DCAF7: variants seen among roughly 807,000 people sequenced by gnomAD.
The protein encoded by DCAF7 is DDB1 and CUL4 associated factor 7.
A neutral mutation model predicts 41.2 loss-of-function variants in DCAF7; 4 were observed. The observed-to-expected ratio is 0.10, with a 90% confidence interval of 0.05 to 0.22. The LOEUF (loss-of-function observed/expected upper bound fraction) is 0.22. Among genes scored for constraint, DCAF7 ranks in the 10% least tolerant of loss-of-function variants. The pLI is 1.00. For synonymous variants in DCAF7, 143 were observed against 164.2 expected (o/e 0.87, Z 0.99); for missense variants, 131 against 443.2 (o/e 0.30, Z 6.32).
intron 6 of DCAF7, among the ~76,000 whole-genome samples, chr17:63,587,601 G>A (rs1436509994): frequency 6.6e-6 from 1 of 152,160 alleles, no homozygotes; most frequent in East Asian, 1.9e-4. Flanking sequence ...TCTTGGCATT[G>A]ATTGTCCCTG....
In DCAF7 at chr17:63,589,645, A is replaced by T. The variant is rs1482146448; in HGVS notation, c.*473A>T. On this transcript the variant is annotated 3_prime_UTR_variant, in exon 7 of 7. Coordinates refer to ENST00000614556, the MANE Select transcript of DCAF7 (RefSeq NM_005828.5). ...GTATCAGTGTGTTTAACAAATTTTA[A>T]CTTTGTATATTTGTTATCTATCAGG... The T allele has an allele frequency of 5.5e-6, 1 of 182,232 alleles. No homozygotes were observed. Among genetic ancestry groups the T allele is most frequent in the African/African-American group, 2.4e-5 (1 of 41,904 alleles). The allele number at this position is 182,232 out of a possible 1,614,324, so 11.3% of individuals were successfully genotyped here.
chr17:63,593,006 G>A lies in DCAF7; in HGVS notation c.*3834G>A, dbSNP rs1173000872. 1.3e-5 allele frequency: 2 copies of A among 152,340 alleles called. No homozygotes were observed. The highest frequency in any genetic ancestry group is 4.8e-5 in the African/African-American group (2 of 41,452). 9.4% of individuals were successfully genotyped at this position (152,340 alleles called of 1,614,324 possible). A position where few individuals can be genotyped will look rare whatever the true frequency, so the allele number is the denominator to read the frequency against. ...TGTGAAGACATGTAGCAGCTGCAGG[G>A]TTTACCACACGTGGGAGGGCAGCCC... is the stretch of plus-strand genomic sequence containing the variant. On this transcript the variant is annotated 3_prime_UTR_variant, in exon 7 of 7. Coordinates refer to ENST00000614556, the MANE Select transcript of DCAF7 (RefSeq NM_005828.5).
At chr17:63,571,387 ATACTTAG>A (rs1380043958) in intron 1 of DCAF7, among the ~76,000 whole-genome samples, 3 of 152,138 alleles carry the variant, frequency 2.0e-5, no homozygotes, top group Non-Finnish European at 4.4e-5. Flanking sequence ...TTAATTCTCT[ATACTTAG>A]TACCTTAATT....
At position 63,579,896 on chromosome 17, in the gene DCAF7, C is replaced by G. The variant is rs2033601935; in HGVS notation, c.481C>G (p.Leu161Val). The G allele has an allele frequency of 6.2e-7, 1 of 1,613,802 alleles. No homozygotes were observed. Among genetic ancestry groups the G allele is most frequent in the Non-Finnish European group, 8.5e-7 (1 of 1,179,850 alleles). The change falls in exon 4 of 7, where the codon CTC (leucine) becomes GTC (valine). Residue 161 changes from leucine to valine, a missense_variant. Coordinates refer to ENST00000614556, the MANE Select transcript of DCAF7 (RefSeq NM_005828.5). ...AGGGCAGGTGTTAGGGCGAGTGAAT[C>G]TCGTGTCTGGCCACGTGAAGACCCA... ...ETGQVLGRVN[L>V]VSGHVKTQLI...
intron 1 of DCAF7, among the ~76,000 whole-genome samples, chr17:63,569,779 C>T (rs1278669857): frequency 6.6e-6 from 1 of 152,158 alleles, no homozygotes; most frequent in East Asian, 1.9e-4. Context: ...GTAGTACAAT[C>T]TTGGCTCACT....
chr17:63,582,479 T>C (rs1027420194), intron 4 of DCAF7, among the ~76,000 whole-genome samples: 5 of 152,134 alleles, frequency 3.3e-5, no homozygotes, highest in Non-Finnish European at 7.4e-5. Flanking sequence ...CTCTTTTTTT[T>C]TTTTTCTTTA....
intron 1 of DCAF7, among the ~76,000 whole-genome samples, chr17:63,567,473 A>G (rs931753904): frequency 6.6e-6 from 1 of 152,126 alleles, no homozygotes; most frequent in African/African-American, 2.4e-5. Context: ...TGATTAGAAC[A>G]TTCAGGTGGG....
chr17:63,583,572 CGG>C lies in DCAF7; in HGVS notation c.600_601del (p.Val201AlafsTer4), dbSNP rs2033647024. On this transcript the variant is annotated frameshift_variant, in exon 5 of 7. Transcript: ENST00000614556. LOFTEE classifies it high-confidence loss of function. The stretch of plus-strand genomic sequence containing the variant: ...TTTGCCTCTGTGGGTGCTGATGGCT[CGG>C]TGCGGATGTTTGACCTCCGCCATCT... 6.2e-7 allele frequency: 1 copy of C among 1,613,774 alleles called. No homozygotes were observed. Among genetic ancestry groups the C allele is most frequent in the Non-Finnish European group, 8.5e-7 (1 of 1,179,880 alleles).
intron 1 of DCAF7, among the ~76,000 whole-genome samples, chr17:63,554,871 G>T (rs1368391909): frequency 6.6e-6 from 1 of 152,086 alleles, no homozygotes; most frequent in African/African-American, 2.4e-5. Context: ...GGAATAAGAG[G>T]TCAGAAAGGT....
intron 1 of DCAF7, among the ~76,000 whole-genome samples, chr17:63,571,626 C>T (rs967717996): frequency 6.6e-6 from 1 of 151,680 alleles, no homozygotes; most frequent in African/African-American, 2.4e-5. Context: ...ATTTCATGAG[C>T]CTTTTCTGAA....
At chr17:63,582,885 T>G (rs1031003452) in intron 4 of DCAF7, among the ~76,000 whole-genome samples, 2 of 152,220 alleles carry the variant, frequency 1.3e-5, no homozygotes, top group African/African-American at 4.8e-5. Context: ...CTAAATTGAT[T>G]CACTTATGAT....
At chr17:63,584,583 A>G (rs55896823) in intron 5 of DCAF7, among the ~76,000 whole-genome samples, 2,841 of 150,764 alleles carry the variant, frequency 0.019, 75 homozygotes, top group African/African-American at 0.066. Context: ...ACACGGTGAA[A>G]CCCCGTCTCT....
chr17:63,572,843 A>G (rs886926727), intron 1 of DCAF7, among the ~76,000 whole-genome samples: 3 of 152,030 alleles, frequency 2.0e-5, no homozygotes, highest in Admixed American at 6.5e-5. Context: ...GCTCACTGCA[A>G]CCTCTACCTC....
intron 6 of DCAF7, among the ~76,000 whole-genome samples, chr17:63,587,660 C>G (rs1316187975): frequency 6.6e-6 from 1 of 152,118 alleles, no homozygotes; most frequent in Admixed American, 6.5e-5. Context: ...TGGCAGGAGA[C>G]TAGTATTGCC....
At chr17:63,579,271 A>T in intron 2 of DCAF7, 66 bp from the exon 3 acceptor site, 1 of 1,114,886 alleles carries the variant, frequency 9.0e-7, no homozygotes, top group Non-Finnish European at 1.3e-6. Context: ...CTAAACAGGG[A>T]TTTTTTAAAA....
chr17:63,567,321 GAAC>G (rs2033454129), intron 1 of DCAF7, among the ~76,000 whole-genome samples: 1 of 152,004 alleles, frequency 6.6e-6, no homozygotes, highest in South Asian at 2.1e-4. Context: ...AAAAAAAATT[GAAC>G]AACATGAGAG....
rs2033719637 is a variant in DCAF7, at chr17:63,590,200, G to GT, written c.*1031dup. On this transcript the variant is annotated 3_prime_UTR_variant, in exon 7 of 7. Coordinates refer to ENST00000614556, the MANE Select transcript of DCAF7 (RefSeq NM_005828.5). ...TGAGTTGAACTTCGGTGCTTCTGTTGTTTGAGTTTACTGTGCCTGGTGGTA... is the reference window on the plus strand; with the variant it reads ...TGAGTTGAACTTCGGTGCTTCTGTTGTTTTGAGTTTACTGTGCCTGGTGGTA... The GT allele has an allele frequency of 2.0e-5, 3 of 152,768 alleles. No homozygotes were observed. The East Asian group carries it at 5.8e-4, about 29-fold the overall frequency. The allele number at this position is 152,768 out of a possible 1,614,324, so 9.5% of individuals were successfully genotyped here.
At position 63,561,022 on chromosome 17, in the gene DCAF7, C is replaced by T. The variant is rs146243755; in HGVS notation, c.138+10207C>T. 2.2e-3 allele frequency among the ~76,000 whole-genome samples: 340 copies of T among 152,346 alleles called. 3 individuals are homozygous for T. Among genetic ancestry groups the T allele is most frequent in the African/African-American group, 8.0e-3 (331 of 41,586 alleles). Reference sequence around the variant, plus strand: ...CAGTGGCTCATGCCTGTAATCCCAGCACTTTGGGAGGCTGAGGCAGTCAGA... The same window carrying T: ...CAGTGGCTCATGCCTGTAATCCCAGTACTTTGGGAGGCTGAGGCAGTCAGA... On this transcript the variant is annotated intron_variant, in intron 1 of 6. Transcript: ENST00000614556.
intron 1 of DCAF7, among the ~76,000 whole-genome samples, chr17:63,561,815 A>G (rs1372075501): frequency 6.6e-6 from 1 of 152,138 alleles, no homozygotes; most frequent in East Asian, 1.9e-4. Flanking sequence ...GTGTATTTAG[A>G]AAAAAAATTT....
Sources: allele counts gnomAD v4.1 joint callset (sites outside exome capture counted in the v4.1 genomes callset), GRCh38; gene constraint gnomAD v4.1.1; transcripts MANE v1.5; gene names NCBI Gene and HGNC (gene_info 2026-07-23, HGNC 2026-07-21).